PDZD2: variants seen among roughly 807,000 people sequenced by gnomAD.
PDZD2 encodes PDZ domain containing 2, also known as PDZ domain-containing protein 2.
A neutral mutation model predicts 220.7 loss-of-function variants in PDZD2; 90 were observed. The ratio of observed to expected loss-of-function variants is 0.41; its 90% CI spans 0.34 to 0.49. The LOEUF is 0.49. PDZD2 is among the 20% of genes least tolerant of loss of function. The pLI, the probability that PDZD2 is intolerant of heterozygous loss-of-function variation, is 0.28. For missense variants in PDZD2, 3,174 were observed against 3,608.5 expected (o/e 0.88, Z 3.08); for synonymous variants, 1,375 against 1,450.5 (o/e 0.95, Z 1.18).
At chr5:32,095,795 C>CA (rs1743618984) in intron 21 of PDZD2, among the ~76,000 whole-genome samples, 1 of 149,098 alleles carries the variant, frequency 6.7e-6, no homozygotes, top group African/African-American at 2.5e-5. Context: ...GGCTGGAGTG[C>CA]AGTGGCGTGA....
At chr5:31,668,928 G>GTGGGGC (rs1448418768) in intron 1 of PDZD2, among the ~76,000 whole-genome samples, 11 of 152,102 alleles carry the variant, frequency 7.2e-5, no homozygotes, top group African/African-American at 2.7e-4. Context: ...CCACTCCCAA[G>GTGGGGC]TGGGGCTGGG....
chr5:31,796,265 T>G (rs1274588483), intron 1 of PDZD2, among the ~76,000 whole-genome samples: 2 of 152,218 alleles, frequency 1.3e-5, no homozygotes, highest in Non-Finnish European at 2.9e-5. Context: ...TGTAATTTAT[T>G]GTAAGGATCG....
At chr5:32,095,720 CTTTT>C (rs375848265) in intron 21 of PDZD2, among the ~76,000 whole-genome samples, 5 of 126,988 alleles carry the variant, frequency 3.9e-5, no homozygotes, top group Non-Finnish European at 7.0e-5. Context: ...GCCTCATTTT[CTTTT>C]TTTTTTTCCT....
chr5:31,906,235 TCATG>T, intron 2 of PDZD2, among the ~76,000 whole-genome samples: 1 of 133,288 alleles, frequency 7.5e-6, no homozygotes, highest in African/African-American at 2.7e-5. Context: ...AAAATATACT[TCATG>T]TTACCGATGT....
At chr5:31,963,514 G>A (rs999474033) in intron 2 of PDZD2, among the ~76,000 whole-genome samples, 13 of 152,308 alleles carry the variant, frequency 8.5e-5, no homozygotes, top group Non-Finnish European at 7.4e-5. Context: ...GCTTGTGTCC[G>A]TGGGAGCAGC....
At chr5:31,812,159 G>C (rs982004394) in intron 2 of PDZD2, among the ~76,000 whole-genome samples, 1 of 152,118 alleles carries the variant, frequency 6.6e-6, no homozygotes, top group Non-Finnish European at 1.5e-5. Context: ...ATCTGAACCA[G>C]TGTAATGGGC....
At chr5:31,743,336 G>A (rs998624516) in intron 1 of PDZD2, among the ~76,000 whole-genome samples, 1 of 151,924 alleles carries the variant, frequency 6.6e-6, no homozygotes, top group African/African-American at 2.4e-5. Context: ...CACCATGCCC[G>A]GCCAATCTTT....
In PDZD2 at chr5:31,794,580, T is replaced by C. The variant is rs551254835; in HGVS notation, c.-360-4309T>C. Among the ~76,000 whole-genome samples, 10 of 151,998 alleles carry C rather than the reference T, an allele frequency of 6.6e-5. No individual in the cohort carries two copies. The South Asian group carries it at 2.1e-3, about 32-fold the overall frequency. ...CACTCCCGGCTAATTTTTTGTATTT[T>C]GTTTAGTAGAGATCAGGGGTTTCAC... On this transcript the variant is annotated intron_variant, in intron 1 of 24. Transcript: ENST00000438447.
At chr5:32,015,377 G>T (rs1226449916) in intron 6 of PDZD2, among the ~76,000 whole-genome samples, 2 of 152,118 alleles carry the variant, frequency 1.3e-5, no homozygotes, top group Non-Finnish European at 2.9e-5. Context: ...CTCCTGAGTA[G>T]CTGGGAGTAC....
intron 14 of PDZD2, among the ~76,000 whole-genome samples, chr5:32,067,555 T>G (rs557142318): frequency 6.6e-6 from 1 of 152,210 alleles, no homozygotes; most frequent in Non-Finnish European, 1.5e-5. Flanking sequence ...TTGCCTGTTA[T>G]GATAAAATAT....
intron 1 of PDZD2, among the ~76,000 whole-genome samples, chr5:31,767,425 T>A (rs1030284988): frequency 2.0e-5 from 3 of 152,238 alleles, no homozygotes; most frequent in African/African-American, 7.2e-5. Context: ...AGTTCTCAGA[T>A]GTGTCTGCCA....
intron 1 of PDZD2, among the ~76,000 whole-genome samples, chr5:31,692,143 C>T (rs931474223): frequency 3.5e-5 from 5 of 144,918 alleles, no homozygotes; most frequent in African/African-American, 1.3e-4. Flanking sequence ...GGCTGCAGGT[C>T]CCGAGCCCTG....
At chr5:32,104,356 TAAAG>T (rs908387760) in intron 24 of PDZD2, among the ~76,000 whole-genome samples, 1 of 151,458 alleles carries the variant, frequency 6.6e-6, no homozygotes, top group African/African-American at 2.4e-5. Flanking sequence ...ATTTGAATAA[TAAAG>T]AATTTTTTTT....
chr5:31,653,391 T>C (rs1381686880), intron 1 of PDZD2, among the ~76,000 whole-genome samples: 1 of 152,062 alleles, frequency 6.6e-6, no homozygotes, highest in East Asian at 1.9e-4. Context: ...TAGCATCAGA[T>C]TGGCACGTCT....
At chr5:31,939,527 T>C (rs1293754378) in intron 2 of PDZD2, among the ~76,000 whole-genome samples, 2 of 152,010 alleles carry the variant, frequency 1.3e-5, no homozygotes. Flanking sequence ...GGCTGGAGGG[T>C]GAGTAACCTC....
intron 6 of PDZD2, among the ~76,000 whole-genome samples, chr5:32,025,435 G>C (rs1285297552): frequency 6.6e-6 from 1 of 151,564 alleles, no homozygotes; most frequent in African/African-American, 2.4e-5. Flanking sequence ...TGAGGCAGGA[G>C]AATCACTTGA....
intron 8 of PDZD2, among the ~76,000 whole-genome samples, chr5:32,049,009 C>G (rs1336362176): frequency 2.0e-5 from 3 of 152,116 alleles, no homozygotes; most frequent in Non-Finnish European, 4.4e-5. Context: ...ATAGGAGCAG[C>G]CTGTATCAGT....
chr5:31,690,598 C>G (rs1455431760), intron 1 of PDZD2, among the ~76,000 whole-genome samples: 1 of 152,172 alleles, frequency 6.6e-6, no homozygotes, highest in Non-Finnish European at 1.5e-5. Flanking sequence ...GGCCAGATCA[C>G]TCTAGTGTCT....
chr5:32,014,067 G>C (rs1753537332), intron 6 of PDZD2, among the ~76,000 whole-genome samples: 1 of 152,144 alleles, frequency 6.6e-6, no homozygotes, highest in Non-Finnish European at 1.5e-5. Context: ...TTCTTTTTTA[G>C]TTATATGTTC....
Sources: gnomAD v4.1 joint callset for allele counts (sites outside exome capture counted in the v4.1 genomes callset) on GRCh38, gnomAD v4.1.1 for gene constraint, MANE v1.5 for transcripts, NCBI Gene and HGNC (gene_info 2026-07-23, HGNC 2026-07-21) for gene names.